CCBE1: variants seen among roughly 807,000 people sequenced by gnomAD.
CCBE1 encodes the protein collagen and calcium binding EGF domains 1, also known as collagen and calcium-binding EGF domain-containing protein 1.
CCBE1 carries 37 observed loss-of-function variants against 50.0 expected under a neutral mutation model. The ratio of observed to expected loss-of-function variants is 0.74; its 90% CI spans 0.57 to 0.97. CCBE1 has a LOEUF of 0.97. CCBE1 is among the 50% of genes least tolerant of loss of function. CCBE1 has a pLI of 0.00. For synonymous variants in CCBE1, 234 were observed against 203.7 expected (o/e 1.15, Z -1.27); for missense variants, 538 against 523.8 (o/e 1.03, Z -0.26).
intron 2 of CCBE1, among the ~76,000 whole-genome samples, chr18:59,591,981 A>G (rs2053277449): frequency 6.6e-6 from 1 of 152,236 alleles, no homozygotes; most frequent in South Asian, 2.1e-4. Context: ...GATGCCCCAG[A>G]TAGAAAATGC....
intron 6 of CCBE1, among the ~76,000 whole-genome samples, chr18:59,450,005 G>C (rs1418714999): frequency 6.6e-6 from 1 of 152,196 alleles, no homozygotes; most frequent in Non-Finnish European, 1.5e-5. Context: ...CACTTTAGAG[G>C]CGGCTGTCCA....
chr18:59,526,125 T>C (rs913951307), intron 2 of CCBE1, among the ~76,000 whole-genome samples: 18 of 152,154 alleles, frequency 1.2e-4, no homozygotes, highest in Non-Finnish European at 2.1e-4. Context: ...GTGAAGAATG[T>C]CAATGGTAGC....
intron 2 of CCBE1, among the ~76,000 whole-genome samples, chr18:59,620,006 T>C (rs2144602997): frequency 6.6e-6 from 1 of 152,222 alleles, no homozygotes; most frequent in South Asian, 2.1e-4. Context: ...CATTCAACAC[T>C]TCCACAGCTT....
chr18:59,497,474 A>G (rs567907933), intron 2 of CCBE1, among the ~76,000 whole-genome samples: 3 of 152,360 alleles, frequency 2.0e-5, no homozygotes, highest in Admixed American at 6.5e-5. Flanking sequence ...ACCATAGAAT[A>G]GAGCAGGGCC....
At chr18:59,598,999 G>A (rs2053393457) in intron 2 of CCBE1, among the ~76,000 whole-genome samples, 1 of 152,102 alleles carries the variant, frequency 6.6e-6, no homozygotes, top group South Asian at 2.1e-4. Context: ...CCTAAATTCA[G>A]CCATGGCCGA....
chr18:59,643,086 T>C (rs1396907157), intron 2 of CCBE1, among the ~76,000 whole-genome samples: 2 of 152,180 alleles, frequency 1.3e-5, no homozygotes, highest in African/African-American at 4.8e-5. Flanking sequence ...GAGTGGATGG[T>C]ACCAGTCTGC....
At chr18:59,521,407 A>G (rs1043829145) in intron 2 of CCBE1, among the ~76,000 whole-genome samples, 3 of 152,208 alleles carry the variant, frequency 2.0e-5, no homozygotes, top group Non-Finnish European at 4.4e-5. Flanking sequence ...TCTGGATTGA[A>G]CACATTCTTT....
chr18:59,516,619 A>G (rs1914384881), intron 2 of CCBE1, among the ~76,000 whole-genome samples: 1 of 152,190 alleles, frequency 6.6e-6, no homozygotes, highest in African/African-American at 2.4e-5. Context: ...ACTCATCTTC[A>G]GGGTCTGTTT....
intron 2 of CCBE1, among the ~76,000 whole-genome samples, chr18:59,518,398 G>A (rs779326666): frequency 1.5e-4 from 23 of 152,302 alleles, no homozygotes; most frequent in Admixed American, 5.2e-4. Context: ...GGCTGTGGCC[G>A]AAGGATCACT....
At chr18:59,693,581 C>CA (rs1336001603) in intron 2 of CCBE1, among the ~76,000 whole-genome samples, 1 of 152,200 alleles carries the variant, frequency 6.6e-6, no homozygotes, top group Non-Finnish European at 1.5e-5. Flanking sequence ...ACTAATACAG[C>CA]ATATGAACTA....
At chr18:59,589,457 T>A (rs2053226854) in intron 2 of CCBE1, among the ~76,000 whole-genome samples, 1 of 152,086 alleles carries the variant, frequency 6.6e-6, no homozygotes, top group African/African-American at 2.4e-5. Context: ...AATATCGACG[T>A]AAAACTCCAA....
chr18:59,512,467 C>G (rs1224496475), intron 2 of CCBE1, among the ~76,000 whole-genome samples: 2 of 152,252 alleles, frequency 1.3e-5, no homozygotes, highest in Admixed American at 6.5e-5. Flanking sequence ...CAAGGGGGTA[C>G]AAGGGAACCT....
intron 2 of CCBE1, among the ~76,000 whole-genome samples, chr18:59,675,908 C>A (rs905913388): frequency 6.6e-6 from 1 of 152,122 alleles, no homozygotes; most frequent in Non-Finnish European, 1.5e-5. Context: ...GTAAATGGTG[C>A]AATGTTAAAA....
At chr18:59,597,773 G>A (rs775744917) in intron 2 of CCBE1, among the ~76,000 whole-genome samples, 1 of 152,118 alleles carries the variant, frequency 6.6e-6, no homozygotes, top group Non-Finnish European at 1.5e-5. Context: ...TGCATGAATT[G>A]TATCAGTAAT....
intron 4 of CCBE1, among the ~76,000 whole-genome samples, chr18:59,468,873 G>A (rs1329626206): frequency 1.3e-5 from 2 of 149,776 alleles, no homozygotes; most frequent in Non-Finnish European, 3.0e-5. Context: ...GACCCCAGAT[G>A]TTTCTTGGGT....
At chr18:59,501,740 C>A (rs555712328) in intron 2 of CCBE1, among the ~76,000 whole-genome samples, 1 of 152,198 alleles carries the variant, frequency 6.6e-6, no homozygotes, top group Non-Finnish European at 1.5e-5. Context: ...GAGAAATGCT[C>A]ATTTAATGAA....
chr18:59,438,754 G>C (rs1453576047), intron 9 of CCBE1, among the ~76,000 whole-genome samples: 1 of 152,190 alleles, frequency 6.6e-6, no homozygotes, highest in African/African-American at 2.4e-5. Flanking sequence ...TGGGGAAAAA[G>C]TTCTATCTGG....
chr18:59,455,110 G>T (rs1018266040), intron 5 of CCBE1, 159 bp from the exon 6 acceptor site: 2 of 701,120 alleles, frequency 2.9e-6, no homozygotes, highest in Non-Finnish European at 5.2e-6. Flanking sequence ...GGTCCTGCCA[G>T]CATGCCCCAG....
intron 2 of CCBE1, 23 bp from the exon 3 acceptor site, chr18:59,480,261 A>T: frequency 6.7e-7 from 1 of 1,497,420 alleles, no homozygotes; most frequent in Non-Finnish European, 9.3e-7. Context: ...CAAACATTTA[A>T]AATATAATAA....
Sources: allele counts gnomAD v4.1 joint callset (sites outside exome capture counted in the v4.1 genomes callset), GRCh38; gene constraint gnomAD v4.1.1; transcripts MANE v1.5; gene names NCBI Gene and HGNC (gene_info 2026-07-23, HGNC 2026-07-21).